The following ZFAND3 variants were observed in gnomAD, a reference collection of about 807,000 sequenced individuals.
ZFAND3 encodes the protein AN1-type zinc finger protein 3.
ZFAND3 carries 10 observed loss-of-function variants against 29.6 expected under a neutral mutation model. The ratio of observed to expected loss-of-function variants is 0.34; its 90% CI spans 0.21 to 0.57. The LOEUF (loss-of-function observed/expected upper bound fraction) is 0.57. ZFAND3 is among the 20% of genes least tolerant of loss of function. The pLI, the probability that ZFAND3 is intolerant of heterozygous loss-of-function variation, is 0.86. For missense variants in ZFAND3, 230 were observed against 304.5 expected (o/e 0.76, Z 1.82); for synonymous variants, 128 against 112.6 (o/e 1.14, Z -0.87).
chr6:37,996,107 C>A (rs960617119), intron 2 of ZFAND3, among the ~76,000 whole-genome samples: 1 of 150,150 alleles, frequency 6.7e-6, no homozygotes, highest in Non-Finnish European at 1.5e-5. Flanking sequence ...CCAGCCTGGG[C>A]TACAAGAGCG....
chr6:38,139,395 C>G (rs1268730220), intron 5 of ZFAND3, among the ~76,000 whole-genome samples: 2 of 152,094 alleles, frequency 1.3e-5, no homozygotes, highest in Non-Finnish European at 2.9e-5. Flanking sequence ...ACAAATTCCA[C>G]AAATGACGCT....
At chr6:37,953,532 A>T (rs1762036178) in intron 2 of ZFAND3, among the ~76,000 whole-genome samples, 1 of 142,992 alleles carries the variant, frequency 7.0e-6, no homozygotes, top group Non-Finnish European at 1.5e-5. Context: ...GGCTCACTGC[A>T]GCCTTGACCT....
At chr6:38,047,091 C>A (rs1048268875) in intron 2 of ZFAND3, among the ~76,000 whole-genome samples, 1 of 151,760 alleles carries the variant, frequency 6.6e-6, no homozygotes, top group Non-Finnish European at 1.5e-5. Flanking sequence ...GGGAGGTATG[C>A]GGATCACTTG....
intron 1 of ZFAND3, among the ~76,000 whole-genome samples, chr6:37,863,476 C>T (rs949760800): frequency 2.0e-5 from 3 of 152,180 alleles, no homozygotes; most frequent in African/African-American, 7.2e-5. Flanking sequence ...TGCTACATCA[C>T]TTGTCTTTCA....
At chr6:37,879,961 A>G (rs193270431) in intron 1 of ZFAND3, among the ~76,000 whole-genome samples, 8 of 152,230 alleles carry the variant, frequency 5.3e-5, no homozygotes, top group Admixed American at 3.3e-4. Context: ...CAAAATCTTT[A>G]TGTGTGATGT....
chr6:38,026,579 A>AC (rs1763453950), intron 2 of ZFAND3, among the ~76,000 whole-genome samples: 3 of 151,552 alleles, frequency 2.0e-5, no homozygotes, highest in African/African-American at 7.3e-5. Flanking sequence ...ACAGGTGTGC[A>AC]CCCCCATGCC....
chr6:37,920,565 AT>A (rs1353393686), intron 1 of ZFAND3, among the ~76,000 whole-genome samples: 1 of 152,184 alleles, frequency 6.6e-6, no homozygotes, highest in Non-Finnish European at 1.5e-5. Context: ...CTGTCCTTGA[AT>A]TTGGGCATAA....
intron 5 of ZFAND3, among the ~76,000 whole-genome samples, chr6:38,145,886 C>G (rs1219214629): frequency 6.6e-6 from 1 of 152,210 alleles, no homozygotes; most frequent in African/African-American, 2.4e-5. Context: ...TACCCCCTGC[C>G]TCTCTATTCC....
intron 1 of ZFAND3, among the ~76,000 whole-genome samples, chr6:37,904,130 A>G (rs930093536): frequency 6.6e-6 from 1 of 152,136 alleles, no homozygotes; most frequent in African/African-American, 2.4e-5. Context: ...TGACATACAT[A>G]AGGTTGTCCC....
chr6:37,853,572 A>G (rs1764322696), intron 1 of ZFAND3, among the ~76,000 whole-genome samples: 1 of 152,196 alleles, frequency 6.6e-6, no homozygotes, highest in East Asian at 1.9e-4. Flanking sequence ...CATACTCACA[A>G]CATTGTTTTT....
At chr6:37,955,149 TTGTGTGTGTG>T (rs3047089) in intron 2 of ZFAND3, among the ~76,000 whole-genome samples, 1 of 148,846 alleles carries the variant, frequency 6.7e-6, no homozygotes, top group Admixed American at 6.7e-5. Context: ...CAACCAATTT[TTGTGTGTGTG>T]TGTGTGTGTG....
At chr6:37,913,410 C>T (rs1400105649) in intron 1 of ZFAND3, among the ~76,000 whole-genome samples, 1 of 152,186 alleles carries the variant, frequency 6.6e-6, no homozygotes, top group Non-Finnish European at 1.5e-5. Flanking sequence ...ATTCATTACT[C>T]ATTCATTTCA....
chr6:37,992,687 CATTCAAA>C, intron 2 of ZFAND3, among the ~76,000 whole-genome samples: 3 of 152,122 alleles, frequency 2.0e-5, no homozygotes, highest in Non-Finnish European at 4.4e-5. Context: ...TATACAGCCC[CATTCAAA>C]TCTCTTTAAT....
At chr6:38,151,644 G>C (rs1259307227) in intron 5 of ZFAND3, among the ~76,000 whole-genome samples, 1 of 152,170 alleles carries the variant, frequency 6.6e-6, no homozygotes, top group Non-Finnish European at 1.5e-5. Context: ...ATGGCGATTG[G>C]AGCCCAGCAT....
chr6:37,826,269 A>C (rs1411477007), intron 1 of ZFAND3, among the ~76,000 whole-genome samples: 1 of 152,130 alleles, frequency 6.6e-6, no homozygotes, highest in African/African-American at 2.4e-5. Context: ...AGTGGTTTTC[A>C]AAAGAGGGCC....
chr6:38,147,034 G>T (rs1766125978), intron 5 of ZFAND3, among the ~76,000 whole-genome samples: 1 of 152,142 alleles, frequency 6.6e-6, no homozygotes, highest in African/African-American at 2.4e-5. Context: ...TCACCCGAGT[G>T]CAGTACATTT....
At position 37,890,863 on chromosome 6, in the gene ZFAND3, T is replaced by A. The variant is rs1047539727; in HGVS notation, c.72-39096T>A. ...CAATTTAAACTATCTTGACAATTCA[T>A]CCTAGTTTTCAGTATGTTAAAAGTG... On this transcript the variant is annotated intron_variant, in intron 1 of 5. Transcript: ENST00000287218. Among the ~76,000 whole-genome samples the A allele has an allele frequency of 4.6e-5, 7 of 152,340 alleles. No homozygotes were observed. The East Asian group carries it at 1.3e-3, about 29-fold the overall frequency.
At chr6:38,066,838 A>G (rs1041938857) in intron 3 of ZFAND3, among the ~76,000 whole-genome samples, 2 of 152,212 alleles carry the variant, frequency 1.3e-5, no homozygotes, top group Non-Finnish European at 2.9e-5. Context: ...GAATTTCTTA[A>G]TACGCTTCCC....
intron 4 of ZFAND3, among the ~76,000 whole-genome samples, chr6:38,112,748 G>A (rs1221866489): frequency 2.0e-5 from 3 of 151,872 alleles, no homozygotes; most frequent in African/African-American, 4.8e-5. Context: ...TTATCATGTC[G>A]TTAGAACCCC....
Sources: allele counts gnomAD v4.1 joint callset (sites outside exome capture counted in the v4.1 genomes callset), GRCh38; gene constraint gnomAD v4.1.1; transcripts MANE v1.5; gene names NCBI Gene and HGNC (gene_info 2026-07-23, HGNC 2026-07-21).